Variants in FSTL4 observed in about 807,000 individuals in gnomAD.
The protein encoded by FSTL4 is follistatin-related protein 4.
A neutral mutation model predicts 78.2 loss-of-function variants in FSTL4; 28 were observed. That is an observed-to-expected ratio of 0.36 (90% CI 0.27 to 0.49). The LOEUF (loss-of-function observed/expected upper bound fraction) is 0.49, where lower values mean the gene tolerates loss of function less well. Ranked by LOEUF, FSTL4 falls within the 20% of genes least tolerant of loss-of-function variation. The pLI, the probability that FSTL4 is intolerant of heterozygous loss-of-function variation, is 0.98. For missense variants in FSTL4, 922 were observed against 1,084.9 expected, an observed-to-expected ratio of 0.85 and a Z score of 2.11; for synonymous variants, 422 against 440.5, an observed-to-expected ratio of 0.96 and a Z score of 0.53.
At chr5:133,489,794 A>G (rs1436335954) in intron 3 of FSTL4, among the ~76,000 whole-genome samples, 2 of 152,216 alleles carry the variant, frequency 1.3e-5, no homozygotes, top group Admixed American at 1.3e-4. Context: ...TGGTGACAAA[A>G]GACAAGGAGA....
the FSTL4 span, among the ~76,000 whole-genome samples, chr5:133,683,678 A>G: frequency 1.3e-5 from 2 of 152,196 alleles, no homozygotes; most frequent in African/African-American, 4.8e-5. Context: ...CTCTCTTCTC[A>G]GTTTTATATT....
At chr5:133,522,384 T>C (rs1758998767) in intron 3 of FSTL4, among the ~76,000 whole-genome samples, 1 of 152,190 alleles carries the variant, frequency 6.6e-6, no homozygotes, top group Non-Finnish European at 1.5e-5. Flanking sequence ...AAGATAGTAA[T>C]TACCTATGTG....
At chr5:133,721,127 T>C in the FSTL4 span, among the ~76,000 whole-genome samples, 3 of 152,258 alleles carry the variant, frequency 2.0e-5, no homozygotes, top group Non-Finnish European at 4.4e-5. Flanking sequence ...CACATATTTA[T>C]TGTGTGTGAA....
At chr5:133,330,539 C>T (rs1006171872) in intron 4 of FSTL4, among the ~76,000 whole-genome samples, 1 of 152,130 alleles carries the variant, frequency 6.6e-6, no homozygotes, top group Non-Finnish European at 1.5e-5. Context: ...CATGAGAATC[C>T]CACCCCCATG....
intron 6 of FSTL4, among the ~76,000 whole-genome samples, chr5:133,254,196 G>A (rs1752329400): frequency 6.6e-6 from 1 of 152,244 alleles, no homozygotes; most frequent in Admixed American, 6.5e-5. Flanking sequence ...AGGTGGAAGA[G>A]GTTGCAGGCA....
At chr5:133,807,250 G>A in the FSTL4 span, among the ~76,000 whole-genome samples, 1 of 152,182 alleles carries the variant, frequency 6.6e-6, no homozygotes, top group Admixed American at 6.5e-5. Flanking sequence ...AATGCTTTGT[G>A]CCTCAAAGGC....
At chr5:133,318,953 C>T (rs1753978274) in intron 4 of FSTL4, among the ~76,000 whole-genome samples, 1 of 152,214 alleles carries the variant, frequency 6.6e-6, no homozygotes, top group South Asian at 2.1e-4. Flanking sequence ...CTTGGGGTCA[C>T]CAGCTGGCAA....
At chr5:133,220,673 A>G (rs1295080123) in intron 12 of FSTL4, 75 bp downstream of exon 12, 1 of 826,874 alleles carries the variant, frequency 1.2e-6, no homozygotes, top group Non-Finnish European at 2.1e-6. Flanking sequence ...ATCAAATGGC[A>G]TGCCTGGTTA....
chr5:133,714,736 GATTA>G, the FSTL4 span, among the ~76,000 whole-genome samples: 1 of 152,196 alleles, frequency 6.6e-6, no homozygotes, highest in Non-Finnish European at 1.5e-5. Flanking sequence ...GTGGTCCTGT[GATTA>G]ATTAAGTCAT....
At position 133,217,361 on chromosome 5, in the gene FSTL4, T is replaced by C; in HGVS notation, c.1476A>G (p.Gln492=). 6.2e-7 allele frequency: 1 copy of C among 1,614,120 alleles called. No homozygotes were observed. The change falls in exon 13 of 16, where the codon CAA becomes CAG. Residue 492 remains glutamine, a synonymous_variant. Coordinates refer to ENST00000265342, the MANE Select transcript of FSTL4 (RefSeq NM_015082.2). Reference sequence around the variant, plus strand: ...AGGGCTGGGTTGCATTTTTTTCTCTTTGAGGACAGATTTCTTCCTGCAAAG... The same window carrying C: ...AGGGCTGGGTTGCATTTTTTTCTCTCTGAGGACAGATTTCTTCCTGCAAAG... The part of the protein sequence containing the change: ...IFMSYEEICP[Q]REKNATQPCQ...
chr5:133,509,160 C>T (rs1018665031), intron 3 of FSTL4, among the ~76,000 whole-genome samples: 2 of 152,138 alleles, frequency 1.3e-5, no homozygotes, highest in Non-Finnish European at 2.9e-5. Flanking sequence ...CCATCACTTT[C>T]CCATCCCTGT....
intron 3 of FSTL4, among the ~76,000 whole-genome samples, chr5:133,515,079 A>G (rs1758826731): frequency 1.3e-5 from 2 of 152,250 alleles, no homozygotes; most frequent in South Asian, 4.1e-4. Context: ...ATCCCCGATA[A>G]GCCATGCAAC....
At position 133,449,066 on chromosome 5, in the gene FSTL4, C is replaced by T. The variant is rs1757329211; in HGVS notation, c.161-48080G>A. On this transcript the variant is annotated intron_variant, in intron 3 of 15. Coordinates refer to ENST00000265342, the MANE Select transcript of FSTL4 (RefSeq NM_015082.2). ...CAGGGGTTGAAAGGGAAGGGAGCATCTCTGCAAACAGCCCCACTCCTCTGA... is the reference window on the plus strand; with the variant it reads ...CAGGGGTTGAAAGGGAAGGGAGCATTTCTGCAAACAGCCCCACTCCTCTGA... Among the ~76,000 whole-genome samples, 3 of 152,148 alleles carry T rather than the reference C, an allele frequency of 2.0e-5. No homozygotes were observed. In the South Asian group the frequency reaches 6.2e-4, roughly 32 times the overall value.
chr5:133,202,067 G>A (rs1177696255), intron 14 of FSTL4, 25 bp from the exon 15 acceptor site: 31 of 1,503,716 alleles, frequency 2.1e-5, no homozygotes, highest in Non-Finnish European at 2.7e-5. Flanking sequence ...GGGAATCCTA[G>A]TGAGGGCCCA....
chr5:133,401,688 C>G (rs143283506), intron 3 of FSTL4, among the ~76,000 whole-genome samples: 11 of 152,278 alleles, frequency 7.2e-5, no homozygotes, highest in Non-Finnish European at 1.6e-4. Context: ...GAAGAAGTAA[C>G]TGGGAGTGGC....
chr5:133,817,193 G>T, the FSTL4 span, among the ~76,000 whole-genome samples: 184 of 152,354 alleles, frequency 1.2e-3, 1 homozygote, highest in South Asian at 1.7e-3. Context: ...GCGAAGCTGA[G>T]TCTATTATCG....
intron 6 of FSTL4, among the ~76,000 whole-genome samples, chr5:133,292,795 C>T (rs1026244636): frequency 6.6e-6 from 1 of 151,986 alleles, no homozygotes; most frequent in Non-Finnish European, 1.5e-5. Flanking sequence ...ACAGCAACTC[C>T]CAGGGCATTT....
rs573493652 is a variant in FSTL4, at chr5:133,338,547, G to A, written c.410-21895C>T. On this transcript the variant is annotated intron_variant, in intron 4 of 15. Coordinates refer to ENST00000265342, the MANE Select transcript of FSTL4 (RefSeq NM_015082.2). The surrounding 1 kb of genome is among the most constrained non-coding windows in gnomAD (Gnocchi z 4.0). ...CCATGGATACTCGGTTCCCTCAATCGAGGCTGGTGCAGGGGAAGCTTGGAG... is the reference window on the plus strand; with the variant it reads ...CCATGGATACTCGGTTCCCTCAATCAAGGCTGGTGCAGGGGAAGCTTGGAG... Among the ~76,000 whole-genome samples the A allele has an allele frequency of 3.3e-5, 5 of 151,974 alleles. No homozygotes were observed. The highest frequency in any genetic ancestry group is 5.9e-5 in the Non-Finnish European group (4 of 67,992).
chr5:133,662,462 T>C, the FSTL4 span, among the ~76,000 whole-genome samples: 1 of 152,158 alleles, frequency 6.6e-6, no homozygotes, highest in Non-Finnish European at 1.5e-5. Flanking sequence ...AACCCTAGCA[T>C]ACAGACCCCC....
Sources: gnomAD v4.1 joint callset for allele counts (sites outside exome capture counted in the v4.1 genomes callset) on GRCh38, gnomAD v4.1.1 for gene constraint, Gnocchi (gnomAD v3.1) non-coding constraint, MANE v1.5 for transcripts, NCBI Gene and HGNC (gene_info 2026-07-23, HGNC 2026-07-21) for gene names.